The following C16orf87 variants were observed in gnomAD, a reference collection of about 807,000 sequenced individuals.
The protein encoded by C16orf87 is UPF0547 protein C16orf87.
In C16orf87, 13 loss-of-function variants were observed where a neutral mutation model predicts 21.0. The observed-to-expected ratio is 0.62, with a 90% CI of 0.40 to 0.98. The LOEUF (loss-of-function observed/expected upper bound fraction) is 0.98, where lower values mean the gene tolerates loss of function less well. C16orf87 is among the 50% of genes least tolerant of loss of function. C16orf87 has a pLI of 0.00. For missense variants in C16orf87, 113 were observed against 180.4 expected, an observed-to-expected ratio of 0.63 and a Z score of 2.14; for synonymous variants, 49 against 60.2, an observed-to-expected ratio of 0.81 and a Z score of 0.86.
chr16:46,807,408 C>G (rs749814343), intron 3 of C16orf87, among the ~76,000 whole-genome samples: 5 of 149,518 alleles, frequency 3.3e-5, no homozygotes, highest in Non-Finnish European at 7.4e-5. Context: ...CAGAGTGAGA[C>G]GCTATCTCAG....
At chr16:46,826,475 T>C (rs1959623205) in intron 1 of C16orf87, among the ~76,000 whole-genome samples, 1 of 152,194 alleles carries the variant, frequency 6.6e-6, no homozygotes, top group Non-Finnish European at 1.5e-5. Flanking sequence ...TGTTATAGAA[T>C]CTAAACACTT....
chr16:46,824,907 G>T lies in C16orf87; in HGVS notation c.67-425C>A, dbSNP rs376209909. ...TCTTGAACTCCTCACCTCGTGATCC[G>T]CCCACCTCAGCCTCTCAAAGTGCTA... On this transcript the variant is annotated intron_variant, in intron 1 of 3. Transcript: ENST00000285697. Among the ~76,000 whole-genome samples, 21 of 151,982 alleles carry T rather than the reference G, an allele frequency of 1.4e-4. No homozygotes were observed. The East Asian group carries it at 3.9e-3, about 28-fold the overall frequency.
chr16:46,811,275 G>A (rs796534667), intron 2 of C16orf87, among the ~76,000 whole-genome samples: 9 of 152,096 alleles, frequency 5.9e-5, no homozygotes, highest in South Asian at 4.2e-4. Context: ...TAGCCAAGGC[G>A]GGTGGATCAC....
At chr16:46,830,801 C>G (rs1959827320) in intron 1 of C16orf87, 1 of 301,366 alleles carries the variant, frequency 3.3e-6, no homozygotes, top group Admixed American at 5.2e-5. Flanking sequence ...CAGACAGCCG[C>G]CCGGTGAGCC....
chr16:46,813,553 A>T (rs1968160868), intron 2 of C16orf87, among the ~76,000 whole-genome samples: 1 of 151,922 alleles, frequency 6.6e-6, no homozygotes, highest in African/African-American at 2.4e-5. Context: ...CCATATTTAA[A>T]CTAAAAATTC....
At chr16:46,820,315 G>C (rs1959364621) in intron 2 of C16orf87, among the ~76,000 whole-genome samples, 1 of 152,058 alleles carries the variant, frequency 6.6e-6, no homozygotes, top group South Asian at 2.1e-4. Flanking sequence ...TTTTTAAAAA[G>C]ATGTTTACTT....
chr16:46,818,537 A>G (rs1426470204), intron 2 of C16orf87, among the ~76,000 whole-genome samples: 1 of 152,208 alleles, frequency 6.6e-6, no homozygotes, highest in Non-Finnish European at 1.5e-5. Context: ...AATACTAATA[A>G]GCAATTATAA....
rs1184018967 is a variant in C16orf87 at position 46,799,948 on chromosome 16, TTTATA to T, written c.*2999_*3003del. 9.8e-5 allele frequency: 15 copies of T among 152,316 alleles called. No individual in the cohort carries two copies. The highest frequency in any genetic ancestry group is 3.1e-4 in the African/African-American group (13 of 41,576). 9.4% of individuals were successfully genotyped at this position (152,316 alleles called of 1,614,324 possible). ...GCCACCATGCCTGGCCAATTAATAC[TTTATA>T]TAAAAGTAAGTAAAGAGCTTAATTT... On this transcript the variant is annotated 3_prime_UTR_variant, in exon 4 of 4. Coordinates refer to ENST00000285697, the MANE Select transcript of C16orf87 (RefSeq NM_001001436.4).
In C16orf87 at chr16:46,799,350, A is replaced by G. The variant is rs894735515; in HGVS notation, c.*3602T>C. The G allele has an allele frequency of 8.5e-5, 13 of 152,184 alleles. No homozygotes were observed. The highest frequency in any genetic ancestry group is 3.1e-4 in the African/African-American group (13 of 41,464). The allele number at this position is 152,184 out of a possible 1,614,324, so 9.4% of individuals were successfully genotyped here. A position where few individuals can be genotyped will look rare whatever the true frequency, so the allele number is the denominator to read the frequency against. On this transcript the variant is annotated 3_prime_UTR_variant, in exon 4 of 4. Coordinates refer to ENST00000285697, the MANE Select transcript of C16orf87 (RefSeq NM_001001436.4). ...TAAACATATATACATGTACTTCCAA[A>G]TGTAAAAATGAAGCTTGTCATGTAG...
intron 2 of C16orf87, among the ~76,000 whole-genome samples, chr16:46,813,569 C>CTTT (rs1397154954): frequency 5.9e-5 from 9 of 151,832 alleles, no homozygotes; most frequent in Admixed American, 4.6e-4. Context: ...AATTCCTTAC[C>CTTT]AAAGACAAGT....
chr16:46,810,032 T>C (rs1037643781), intron 2 of C16orf87, among the ~76,000 whole-genome samples: 1 of 152,200 alleles, frequency 6.6e-6, no homozygotes, highest in Admixed American at 6.5e-5. Flanking sequence ...AGTTTCTTCA[T>C]TTGGCAGCTT....
chr16:46,815,381 A>G (rs1356237726), intron 2 of C16orf87, among the ~76,000 whole-genome samples: 1 of 152,104 alleles, frequency 6.6e-6, no homozygotes, highest in Non-Finnish European at 1.5e-5. Context: ...ATGAAAGAAA[A>G]AAAAAAAACA....
At chr16:46,828,811 T>C (rs560897116) in intron 1 of C16orf87, among the ~76,000 whole-genome samples, 11 of 152,368 alleles carry the variant, frequency 7.2e-5, no homozygotes, top group Admixed American at 2.0e-4. Flanking sequence ...ATAATCATAT[T>C]CTGGCTTATA....
chr16:46,828,749 C>T (rs1177848923), intron 1 of C16orf87, among the ~76,000 whole-genome samples: 2 of 152,102 alleles, frequency 1.3e-5, no homozygotes, highest in Non-Finnish European at 2.9e-5. Context: ...TTTTTTTAGG[C>T]AACTTAGAAT....
intron 2 of C16orf87, among the ~76,000 whole-genome samples, chr16:46,822,801 A>G (rs1262048596): frequency 6.6e-6 from 1 of 152,136 alleles, no homozygotes. Flanking sequence ...CTAAAACTCA[A>G]ATCAGAGGAT....
At chr16:46,818,272 C>CA (rs1466449012) in intron 2 of C16orf87, among the ~76,000 whole-genome samples, 2 of 152,200 alleles carry the variant, frequency 1.3e-5, no homozygotes, top group African/African-American at 4.8e-5. Context: ...AATTAATACT[C>CA]AATCACTTTG....
chr16:46,822,596 CA>C (rs1445874626), intron 2 of C16orf87, among the ~76,000 whole-genome samples: 1 of 152,180 alleles, frequency 6.6e-6, no homozygotes, highest in Non-Finnish European at 1.5e-5. Context: ...TGGAACTAAA[CA>C]AGTTTCCTGC....
intron 2 of C16orf87, among the ~76,000 whole-genome samples, chr16:46,820,595 C>A (rs1455916576): frequency 6.6e-6 from 1 of 152,098 alleles, no homozygotes; most frequent in South Asian, 2.1e-4. Context: ...TTAACCATTC[C>A]CCTACTGATT....
intron 2 of C16orf87, among the ~76,000 whole-genome samples, chr16:46,812,368 G>A (rs192260381): frequency 5.3e-4 from 81 of 151,998 alleles, no homozygotes; most frequent in East Asian, 1.2e-3. Flanking sequence ...AACACAAGTC[G>A]GATATTTATT....
Sources: gnomAD v4.1 joint callset for allele counts (sites outside exome capture counted in the v4.1 genomes callset) on GRCh38, gnomAD v4.1.1 for gene constraint, MANE v1.5 for transcripts, NCBI Gene and HGNC (gene_info 2026-07-23, HGNC 2026-07-21) for gene names.